Variants in PLD5 observed in about 807,000 individuals in gnomAD.
PLD5 encodes the protein phospholipase D family member 5.
PLD5 carries 36 observed loss-of-function variants against 61.1 expected under a neutral mutation model. The observed-to-expected ratio is 0.59, with a 90% CI of 0.45 to 0.78. The LOEUF is 0.78. PLD5 is among the 30% of genes least tolerant of loss of function. The pLI is 0.00. For missense variants in PLD5, 515 were observed against 644.4 expected (o/e 0.80, Z 2.17); for synonymous variants, 243 against 242.8 (o/e 1.00, Z -0.01).
At chr1:242,530,339 C>T in the PLD5 span, among the ~76,000 whole-genome samples, 1 of 152,232 alleles carries the variant, frequency 6.6e-6, no homozygotes, top group African/African-American at 2.4e-5. Context: ...TTTGGCCTTG[C>T]AGTAGAGCCT....
intron 1 of PLD5, among the ~76,000 whole-genome samples, chr1:242,501,840 A>G (rs1434757005): frequency 1.3e-5 from 2 of 151,562 alleles, no homozygotes; most frequent in Non-Finnish European, 2.9e-5. Context: ...TTAAATATAA[A>G]TAATAACATT....
At chr1:242,218,822 A>C (rs1670380900) in intron 5 of PLD5, among the ~76,000 whole-genome samples, 1 of 152,210 alleles carries the variant, frequency 6.6e-6, no homozygotes, top group Non-Finnish European at 1.5e-5. Flanking sequence ...CCTATGTCTC[A>C]GCTTCTTCCT....
At chr1:242,138,324 A>C (rs1287349439) in intron 5 of PLD5, among the ~76,000 whole-genome samples, 3 of 152,202 alleles carry the variant, frequency 2.0e-5, no homozygotes, top group Non-Finnish European at 4.4e-5. Flanking sequence ...GGAGATTAAA[A>C]AAACAAGCAT....
Position 242,357,819 on chromosome 1 carries a change from A to G in PLD5, c.190-9577T>C, listed in dbSNP as rs1215323231. ...ACTTTTTGATCCAATATTTCTTTCA[A>G]TATGTTTTCTGGCCCTTTTACTGTG... On this transcript the variant is annotated intron_variant, in intron 1 of 9. Transcript: ENST00000536534. Among the ~76,000 whole-genome samples the G allele has an allele frequency of 3.3e-5, 5 of 152,102 alleles. 1 individual carries two copies. The highest frequency in any genetic ancestry group is 2.0e-4 in the Admixed American group (3 of 15,274).
intron 5 of PLD5, among the ~76,000 whole-genome samples, chr1:242,203,258 G>A (rs1475599117): frequency 1.3e-5 from 2 of 151,856 alleles, no homozygotes; most frequent in South Asian, 2.1e-4. Context: ...GCCCACCTAC[G>A]GCTTCCCCAT....
intron 1 of PLD5, among the ~76,000 whole-genome samples, chr1:242,518,751 T>C (rs901599829): frequency 2.6e-5 from 4 of 152,234 alleles, no homozygotes; most frequent in Non-Finnish European, 5.9e-5. Flanking sequence ...ATATATTAAA[T>C]ATGATATGTC....
intron 5 of PLD5, among the ~76,000 whole-genome samples, chr1:242,137,739 C>T (rs1432828233): frequency 6.6e-6 from 1 of 152,032 alleles, no homozygotes. Flanking sequence ...CATCTTCAAA[C>T]ATGCATCAAA....
chr1:242,293,612 C>G (rs1485703299), intron 2 of PLD5, among the ~76,000 whole-genome samples: 1 of 152,122 alleles, frequency 6.6e-6, no homozygotes, highest in Admixed American at 6.5e-5. Context: ...AGAACACATC[C>G]TCTGAGGATA....
At position 242,473,834 on chromosome 1, in the gene PLD5, C is replaced by T. The variant is rs566647004; in HGVS notation, c.189+50254G>A. Among the ~76,000 whole-genome samples the T allele has an allele frequency of 9.9e-5, 15 of 152,122 alleles. No individual in the cohort carries two copies. In the South Asian group the frequency reaches 2.9e-3, roughly 29 times the overall value. On this transcript the variant is annotated intron_variant, in intron 1 of 9. Coordinates refer to ENST00000536534, the MANE Select transcript of PLD5 (RefSeq NM_001372062.1). ...AAGTGGGTGCTGAGAAATACCCCCACAAAATAGTAAGAACTTGAAAAAAAC... is the reference window on the plus strand; with the variant it reads ...AAGTGGGTGCTGAGAAATACCCCCATAAAATAGTAAGAACTTGAAAAAAAC...
intron 5 of PLD5, among the ~76,000 whole-genome samples, chr1:242,184,509 C>T (rs1667750591): frequency 6.6e-6 from 1 of 152,168 alleles, no homozygotes; most frequent in South Asian, 2.1e-4. Flanking sequence ...GCTGGGGTTA[C>T]AGGAGCCCAC....
intron 6 of PLD5, among the ~76,000 whole-genome samples, chr1:242,115,194 AAAAG>A (rs1661846574): frequency 6.7e-6 from 1 of 148,894 alleles, no homozygotes. Flanking sequence ...AAAAAGAAAA[AAAAG>A]AAAAAAGAAA....
chr1:242,500,365 A>G (rs746139274), intron 1 of PLD5, among the ~76,000 whole-genome samples: 9 of 152,234 alleles, frequency 5.9e-5, no homozygotes, highest in Non-Finnish European at 1.2e-4. Context: ...TTAAACATGT[A>G]TTTCTGATAA....
intron 1 of PLD5, among the ~76,000 whole-genome samples, chr1:242,505,252 A>C (rs1326983455): frequency 6.6e-6 from 1 of 152,210 alleles, no homozygotes; most frequent in Non-Finnish European, 1.5e-5. Flanking sequence ...TGTCAAGTGA[A>C]TCACCACTTT....
intron 5 of PLD5, among the ~76,000 whole-genome samples, chr1:242,154,049 G>A (rs1665150440): frequency 6.6e-6 from 1 of 152,104 alleles, no homozygotes; most frequent in Non-Finnish European, 1.5e-5. Flanking sequence ...AGTTCTCCTT[G>A]AAGAGGTCCT....
intron 5 of PLD5, among the ~76,000 whole-genome samples, chr1:242,145,333 T>C (rs1300476181): frequency 6.6e-6 from 1 of 152,220 alleles, no homozygotes; most frequent in Non-Finnish European, 1.5e-5. Context: ...CTCTTCAGGA[T>C]GTTATTAGCA....
intron 2 of PLD5, among the ~76,000 whole-genome samples, chr1:242,291,572 C>T (rs535191185): frequency 1.6e-4 from 24 of 152,076 alleles, no homozygotes; most frequent in African/African-American, 3.9e-4. Context: ...TTTGGGAGGC[C>T]GAGGCGGGCG....
At chr1:242,277,410 TAAC>T (rs1674472113) in intron 3 of PLD5, among the ~76,000 whole-genome samples, 1 of 147,120 alleles carries the variant, frequency 6.8e-6, no homozygotes, top group Admixed American at 6.9e-5. Flanking sequence ...TCCATGGTCT[TAAC>T]AAAGCAGCTC....
intron 1 of PLD5, among the ~76,000 whole-genome samples, chr1:242,448,260 T>C (rs1015076924): frequency 3.9e-5 from 6 of 152,192 alleles, no homozygotes; most frequent in African/African-American, 1.4e-4. Context: ...ATGAGATGAA[T>C]GATTCTCATA....
intron 5 of PLD5, among the ~76,000 whole-genome samples, chr1:242,187,475 T>C (rs1558320427): frequency 6.6e-6 from 1 of 152,216 alleles, no homozygotes; most frequent in Non-Finnish European, 1.5e-5. Context: ...TGCATATTCA[T>C]AACTGATATA....
Sources: allele counts gnomAD v4.1 joint callset (sites outside exome capture counted in the v4.1 genomes callset), GRCh38; gene constraint gnomAD v4.1.1; transcripts MANE v1.5; gene names NCBI Gene and HGNC (gene_info 2026-07-23, HGNC 2026-07-21).